HLF: variants seen among roughly 807,000 people sequenced by gnomAD.
HLF encodes the protein HLF transcription factor, PAR bZIP family member.
HLF carries 3 observed loss-of-function variants against 22.6 expected under a neutral mutation model. The observed-to-expected ratio is 0.13, with a 90% confidence interval of 0.06 to 0.34. The LOEUF (loss-of-function observed/expected upper bound fraction) is 0.34. Ranked by LOEUF, HLF falls within the 10% of genes least tolerant of loss-of-function variation. The pLI, the probability that HLF is intolerant of heterozygous loss-of-function variation, is 1.00. For missense variants in HLF, 299 were observed against 389.2 expected (o/e 0.77, Z 1.95); for synonymous variants, 151 against 151.8 (o/e 0.99, Z 0.04).
intron 2 of HLF, among the ~76,000 whole-genome samples, chr17:55,284,549 A>G (rs2080984632): frequency 1.3e-5 from 2 of 152,316 alleles, no homozygotes; most frequent in Admixed American, 1.3e-4. Context: ...CAGCTGCTCC[A>G]TAATTAGCTG....
intron 2 of HLF, among the ~76,000 whole-genome samples, chr17:55,270,555 AG>A (rs1337743400): frequency 6.6e-6 from 1 of 152,228 alleles, no homozygotes; most frequent in African/African-American, 2.4e-5. Context: ...AGTCCTCAGA[AG>A]GGAAGAGCAC....
In HLF at chr17:55,315,530, C is replaced by A. The variant is rs1426107959; in HGVS notation, c.672+83C>A. The stretch of plus-strand genomic sequence containing the variant: ...ATTAAAAGGGTGACCCCAGGATGAT[C>A]CCAGAAGCTAGTGCATGAAGGATTT... On this transcript the variant is annotated intron_variant, in intron 3 of 3. Coordinates refer to ENST00000226067, the MANE Select transcript of HLF (RefSeq NM_002126.5). 7 of 1,007,052 alleles carry A rather than the reference C, an allele frequency of 7.0e-6. No homozygotes were observed. The African/African-American group carries it at 9.6e-5, about 14-fold the overall frequency. 62.4% of individuals were successfully genotyped at this position (1,007,052 alleles called of 1,614,324 possible).
chr17:55,287,244 T>G (rs1011266330), intron 2 of HLF, among the ~76,000 whole-genome samples: 2 of 152,380 alleles, frequency 1.3e-5, no homozygotes, highest in African/African-American at 4.8e-5. Context: ...GAAGTTTTAT[T>G]TGGAGCTTTG....
At chr17:55,281,019 G>A (rs2080950105) in intron 2 of HLF, among the ~76,000 whole-genome samples, 1 of 152,214 alleles carries the variant, frequency 6.6e-6, no homozygotes, top group Non-Finnish European at 1.5e-5. Context: ...GGGGTTCTTG[G>A]CCCTTGGCAT....
At chr17:55,310,868 A>G (rs556454703) in intron 2 of HLF, among the ~76,000 whole-genome samples, 25 of 152,306 alleles carry the variant, frequency 1.6e-4, no homozygotes, top group African/African-American at 5.8e-4. Flanking sequence ...AGGGTAATAT[A>G]CCCTAGTAAC....
chr17:55,315,866 G>T (rs868323123), intron 3 of HLF, among the ~76,000 whole-genome samples: 41 of 152,300 alleles, frequency 2.7e-4, no homozygotes, highest in Middle Eastern at 3.4e-3. Flanking sequence ...TTGATAATTT[G>T]CTGCTGCCAT....
intron 2 of HLF, chr17:55,288,785 T>A (rs4299205): frequency 1.4e-4 from 42 of 309,860 alleles, no homozygotes; most frequent in African/African-American, 1.8e-4. Context: ...TTAAAAAAAA[T>A]ATTCAAGAAT....
chr17:55,284,720 G>A (rs74319707), intron 2 of HLF, among the ~76,000 whole-genome samples: 331 of 152,282 alleles, frequency 2.2e-3, no homozygotes, highest in Non-Finnish European at 3.7e-3. Context: ...CAGTTCCTGA[G>A]AGGTTCAGAA....
At chr17:55,288,629 G>A (rs2081029287) in intron 2 of HLF, among the ~76,000 whole-genome samples, 1 of 151,928 alleles carries the variant, frequency 6.6e-6, no homozygotes, top group Non-Finnish European at 1.5e-5. Flanking sequence ...GCCAGGTGTG[G>A]TGTGGTGTCC....
intron 2 of HLF, among the ~76,000 whole-genome samples, chr17:55,290,307 G>A (rs1263494118): frequency 6.6e-6 from 1 of 152,144 alleles, no homozygotes; most frequent in African/African-American, 2.4e-5. Context: ...CCGATAGTGT[G>A]TTTATTAAAA....
chr17:55,281,477 C>T (rs565496718), intron 2 of HLF, among the ~76,000 whole-genome samples: 4 of 152,272 alleles, frequency 2.6e-5, no homozygotes, highest in South Asian at 4.1e-4. Flanking sequence ...CGTGCCATTG[C>T]GCTCCAGCCT....
At chr17:55,308,918 T>C (rs561272047) in intron 2 of HLF, among the ~76,000 whole-genome samples, 6 of 152,346 alleles carry the variant, frequency 3.9e-5, no homozygotes, top group South Asian at 2.1e-4. Flanking sequence ...TAGGCTGGCC[T>C]CTTCTTTCAT....
intron 2 of HLF, among the ~76,000 whole-genome samples, chr17:55,288,168 G>T (rs575297206): frequency 2.0e-5 from 3 of 152,036 alleles, no homozygotes; most frequent in South Asian, 4.2e-4. Flanking sequence ...TTTCTTTTGA[G>T]ATGGAGTCTT....
At position 55,315,360 on chromosome 17, in the gene HLF, T is replaced by A. The variant is rs1451764002; in HGVS notation, c.585T>A (p.Pro195=). ...TCCCTGGCCAGGAAATGTTTGACCC[T>A]CGCAAACGCAAGTTCTCTGAGGAAG... ...SSIPGQEMFD[P]RKRKFSEEEL... is the part of the protein sequence containing the mutation. Residue 195 remains proline (P), a synonymous_variant, in exon 3 of 4, where the codon CCT becomes CCA. Transcript: ENST00000226067. 6.2e-7 allele frequency: 1 copy of A among 1,614,100 alleles called. No individual in the cohort carries two copies. The highest frequency in any genetic ancestry group is 1.3e-5 in the African/African-American group (1 of 75,022).
chr17:55,321,431 A>T lies in HLF; in HGVS notation c.*552A>T, dbSNP rs943144147. On this transcript the variant is annotated 3_prime_UTR_variant, in exon 4 of 4. Transcript: ENST00000226067. Reference sequence around the variant, plus strand: ...GTCCTTTATAAGTTGCTTTCCTCTTACTTTCAGTTTTGGTGATAATCGTCT... The same window carrying T: ...GTCCTTTATAAGTTGCTTTCCTCTTTCTTTCAGTTTTGGTGATAATCGTCT... 8.6e-6 allele frequency: 2 copies of T among 232,380 alleles called. No individual in the cohort carries two copies. The highest frequency in any genetic ancestry group is 1.7e-5 in the Non-Finnish European group (2 of 117,354). 14.4% of individuals were successfully genotyped at this position (232,380 alleles called of 1,614,324 possible).
At chr17:55,304,381 G>A (rs1436605244) in intron 2 of HLF, among the ~76,000 whole-genome samples, 1 of 152,174 alleles carries the variant, frequency 6.6e-6, no homozygotes, top group Non-Finnish European at 1.5e-5. Flanking sequence ...TGGGCCACGT[G>A]CCTCGGCCAT....
Position 55,324,790 on chromosome 17 carries a change from A to AGTGTGT in HLF, c.*3925_*3930dup, listed in dbSNP as rs72476932. 1,804 of 216,408 alleles carry AGTGTGT rather than the reference A, an allele frequency of 8.3e-3. 33 individuals carry two copies. The highest frequency in any genetic ancestry group is 0.038 in the African/African-American group (1,679 of 44,316). 13.4% of individuals were successfully genotyped at this position (216,408 alleles called of 1,614,324 possible). A position where few individuals can be genotyped will look rare whatever the true frequency, so the allele number is the denominator to read the frequency against. On this transcript the variant is annotated 3_prime_UTR_variant, in exon 4 of 4. Transcript: ENST00000226067. ...CATTTTGCAGGAGGCTAAGTGTAAG[A>AGTGTGT]GTGTGTGTGTGTGTGTGTGCGTGCA...
chr17:55,290,474 T>A (rs2145330704), intron 2 of HLF, among the ~76,000 whole-genome samples: 1 of 152,200 alleles, frequency 6.6e-6, no homozygotes, highest in East Asian at 1.9e-4. Context: ...CTATGATCAG[T>A]GATCTTTGAT....
At chr17:55,275,753 A>G (rs1188745458) in intron 2 of HLF, among the ~76,000 whole-genome samples, 2 of 152,324 alleles carry the variant, frequency 1.3e-5, no homozygotes, top group Admixed American at 6.5e-5. Context: ...TGTGCAAGAA[A>G]GATCCAGCTT....
Sources: gnomAD v4.1 joint callset for allele counts (sites outside exome capture counted in the v4.1 genomes callset) on GRCh38, gnomAD v4.1.1 for gene constraint, MANE v1.5 for transcripts, NCBI Gene and HGNC (gene_info 2026-07-23, HGNC 2026-07-21) for gene names.